LRRC45: variants seen among roughly 807,000 people sequenced by gnomAD.
The protein encoded by LRRC45 is leucine rich repeat containing 45.
LRRC45 carries 73 observed loss-of-function variants against 85.4 expected under a neutral mutation model. That is an observed-to-expected ratio of 0.85 (90% confidence interval 0.71 to 1.04). The LOEUF is 1.04. LRRC45 is among the 50% of genes least tolerant of loss of function. LRRC45 has a pLI of 0.00. For synonymous variants in LRRC45, 429 were observed against 386.0 expected (o/e 1.11, Z -1.31); for missense variants, 937 against 883.3 (o/e 1.06, Z -0.77).
Position 82,030,374 on chromosome 17 carries a change from A to AGCTGCAGGAGCAGAACGGCCG in LRRC45, c.1733_1753dup (p.Glu578_Gln584dup). 1 of 1,549,928 alleles carries AGCTGCAGGAGCAGAACGGCCG rather than the reference A, an allele frequency of 6.5e-7. No homozygotes were observed. The highest frequency in any genetic ancestry group is 8.7e-7 in the Non-Finnish European group (1 of 1,146,874). Reference sequence around the variant, plus strand: ...GCCGAGGTGAGCAGGGTGCGCGTGGAGCTGCAGGAGCAGAACGGCCGGCTG... The same window carrying AGCTGCAGGAGCAGAACGGCCG: ...GCCGAGGTGAGCAGGGTGCGCGTGGAGCTGCAGGAGCAGAACGGCCGGCTGCAGGAGCAGAACGGCCGGCTG... On this transcript the variant is annotated inframe_insertion, in exon 16 of 17. Coordinates refer to ENST00000306688, the MANE Select transcript of LRRC45 (RefSeq NM_144999.4).
At chr17:82,024,007 G>A (rs1421414731) in intron 1 of LRRC45, 144 bp downstream of exon 1, 2 of 785,828 alleles carry the variant, frequency 2.5e-6, no homozygotes, top group African/African-American at 1.7e-5. Context: ...CTGCACCTGG[G>A]AGTAGAGGGC....
In LRRC45 at chr17:82,030,153, A is replaced by G; in HGVS notation, c.1583A>G (p.Gln528Arg). 1.3e-6 allele frequency: 2 copies of G among 1,547,724 alleles called. No individual in the cohort carries two copies. The highest frequency in any genetic ancestry group is 1.7e-6 in the Non-Finnish European group (2 of 1,146,310). Residue 528 changes from glutamine to arginine, a missense_variant, in exon 15 of 17, where the codon CAG becomes CGG. Physicochemically the swap from Gln to Arg is conservative, Grantham distance 43. Transcript: ENST00000306688. ...EAQGACLQQK[Q>R]VVAEAQTRVS... ...CAGGGCGCTTGCCTACAGCAGAAGCAGGTGGTGGCCGAGGCCCAGACCCGG... is the reference window on the plus strand; with the variant it reads ...CAGGGCGCTTGCCTACAGCAGAAGCGGGTGGTGGCCGAGGCCCAGACCCGG...
At chr17:82,024,033 C>T in intron 1 of LRRC45, 170 bp downstream of exon 1, 2 of 720,778 alleles carry the variant, frequency 2.8e-6, no homozygotes, top group Non-Finnish European at 4.5e-6. Flanking sequence ...CTCTGTATGA[C>T]GGGGGAGAGG....
At chr17:82,029,778 G>A in intron 14 of LRRC45, 143 bp downstream of exon 14, 1 of 868,138 alleles carries the variant, frequency 1.2e-6, no homozygotes, top group Non-Finnish European at 1.8e-6. Context: ...GACACTGGTG[G>A]GTCCGCTTCA....
chr17:82,028,959 C>A, intron 12 of LRRC45, 134 bp from the exon 13 acceptor site: 2 of 824,584 alleles, frequency 2.4e-6, no homozygotes, highest in Non-Finnish European at 3.9e-6. Flanking sequence ...TCCTGCTAGG[C>A]CATCTGAGGC....
chr17:82,030,126 C>A lies in LRRC45; in HGVS notation c.1556C>A (p.Ala519Glu). The change falls in exon 15 of 17, where the codon GCG becomes GAG. Residue 519 changes from alanine to glutamate, a missense_variant. By Grantham distance (107) the Ala-to-Glu change is moderately radical. Transcript: ENST00000306688. Reference sequence around the variant, plus strand: ...CTGCTGGCGCAGGCACGGGACGAGGCGCAGGGCGCTTGCCTACAGCAGAAG... The same window carrying A: ...CTGCTGGCGCAGGCACGGGACGAGGAGCAGGGCGCTTGCCTACAGCAGAAG... ...LRLLAQARDE[A>E]QGACLQQKQV... 1 of 1,547,810 alleles carries A rather than the reference C, an allele frequency of 6.5e-7. No homozygotes were observed. The highest frequency in any genetic ancestry group is 8.7e-7 in the Non-Finnish European group (1 of 1,146,958).
chr17:82,023,573 C>A lies in LRRC45; in HGVS notation c.-71C>A. The A allele has an allele frequency of 7.2e-7, 1 of 1,388,302 alleles. No homozygotes were observed. Among genetic ancestry groups the A allele is most frequent in the Non-Finnish European group, 9.6e-7 (1 of 1,043,804 alleles). The allele number at this position is 1,388,302 out of a possible 1,614,324, so 86.0% of individuals were successfully genotyped here. On this transcript the variant is annotated 5_prime_UTR_variant, in exon 1 of 17. Coordinates refer to ENST00000306688, the MANE Select transcript of LRRC45 (RefSeq NM_144999.4). ...TCTCCTGTACCCGGCGCTGGGACTG[C>A]TCCGCACCGCGCGGCTCCCTTTCAG... is the stretch of plus-strand genomic sequence containing the variant.
At chr17:82,027,052 C>G (rs936611595) in intron 6 of LRRC45, 41 bp downstream of exon 6, 1 of 1,485,550 alleles carries the variant, frequency 6.7e-7, no homozygotes, top group East Asian at 2.3e-5. Context: ...CTGCTTATGG[C>G]TGGAGGGCCT....
chr17:82,028,945 A>G, intron 12 of LRRC45, 148 bp from the exon 13 acceptor site: 2 of 756,788 alleles, frequency 2.6e-6, no homozygotes, highest in East Asian at 2.7e-5. Context: ...ATGCTGCGGT[A>G]GTTTCCTGCT....
intron 12 of LRRC45, 127 bp downstream of exon 12, chr17:82,028,810 C>A: frequency 9.1e-7 from 1 of 1,098,686 alleles, no homozygotes; most frequent in South Asian, 1.6e-5. Context: ...CCGTATTTTG[C>A]CAGCCTGAGC....
chr17:82,024,825 A>C, intron 3 of LRRC45, 62 bp downstream of exon 3: 2 of 1,515,276 alleles, frequency 1.3e-6, no homozygotes, highest in South Asian at 2.6e-5. Flanking sequence ...CCCCGAGCAC[A>C]TGCTTCTGCA....
At chr17:82,024,201 T>C in intron 1 of LRRC45, 77 bp from the exon 2 acceptor site, 1 of 1,525,612 alleles carries the variant, frequency 6.6e-7, no homozygotes, top group Non-Finnish European at 8.9e-7. Context: ...TCTAGGGAGC[T>C]GCCCTGAAAA....
At chr17:82,029,377 G>T in intron 13 of LRRC45, 166 bp from the exon 14 acceptor site, 1 of 939,704 alleles carries the variant, frequency 1.1e-6, no homozygotes, top group Non-Finnish European at 1.6e-6. Flanking sequence ...GGACTTCCTT[G>T]GCCTTAGGAA....
rs540534485 is a variant in LRRC45 at position 82,028,867 on chromosome 17, G to A, written c.1308+184G>A. On this transcript the variant is annotated intron_variant, in intron 12 of 16. Coordinates refer to ENST00000306688, the MANE Select transcript of LRRC45 (RefSeq NM_144999.4). The stretch of plus-strand genomic sequence containing the variant: ...CTATTGGGGGCGGCGGGGGGACCCC[G>A]GCAATGTCTGAGCCGTAGTACAGGC... 2.2e-5 allele frequency: 17 copies of A among 770,052 alleles called. 1 individual carries two copies. Among genetic ancestry groups the A allele is most frequent in the South Asian group, 9.1e-5 (5 of 54,982 alleles). 47.7% of individuals were successfully genotyped at this position (770,052 alleles called of 1,614,324 possible). A position where few individuals can be genotyped will look rare whatever the true frequency, so the allele number is the denominator to read the frequency against.
In LRRC45 at chr17:82,030,800, A is replaced by G; in HGVS notation, c.2008A>G (p.Lys670Glu). 2 of 1,364,002 alleles carry G rather than the reference A, an allele frequency of 1.5e-6. No homozygotes were observed. Among genetic ancestry groups the G allele is most frequent in the Non-Finnish European group, 1.9e-6 (2 of 1,042,924 alleles). The allele number at this position is 1,364,002 out of a possible 1,614,324, so 84.5% of individuals were successfully genotyped here. A position where few individuals can be genotyped will look rare whatever the true frequency, so the allele number is the denominator to read the frequency against. ...CCCCGTGAGGACCCTGAGCCCCCCA[A>G]AGTGAGACAGGCCGGGAGGACCCGG... Reference protein sequence around the residue: ...ASPVRTLSPPK With the variant: ...ASPVRTLSPPE Residue 670 changes from lysine to glutamate, a missense_variant, in exon 17 of 17, where the codon AAG becomes GAG. By Grantham distance (56) the Lys-to-Glu change is moderately conservative (BLOSUM62 1). Coordinates refer to ENST00000306688, the MANE Select transcript of LRRC45 (RefSeq NM_144999.4).
Sources: gnomAD v4.1 joint callset for allele counts on GRCh38, gnomAD v4.1.1 for gene constraint, MANE v1.5 for transcripts, NCBI Gene and HGNC (gene_info 2026-07-23, HGNC 2026-07-21) for gene names.